Variants in LRP1B observed in about 807,000 individuals in gnomAD.
LRP1B encodes the protein low-density lipoprotein receptor-related protein 1B.
In LRP1B, 217 loss-of-function variants were observed where a neutral mutation model predicts 556.6. The ratio of observed to expected loss-of-function variants is 0.39; its 90% confidence interval spans 0.35 to 0.44. The LOEUF is 0.44. Among genes scored for constraint, LRP1B ranks in the 20% least tolerant of loss-of-function variants. LRP1B has a pLI of 1.00. For missense variants in LRP1B, 5,053 were observed against 5,620.8 expected (o/e 0.90, Z 3.23); for synonymous variants, 2,047 against 1,865.8 (o/e 1.10, Z -2.50).
chr2:141,202,424 A>G (rs992345606), intron 6 of LRP1B, among the ~76,000 whole-genome samples: 1 of 152,164 alleles, frequency 6.6e-6, no homozygotes, highest in African/African-American at 2.4e-5. Flanking sequence ...TCTTCTGGGT[A>G]TATACCCAGT....
At chr2:141,464,329 T>C (rs1682075084) in intron 3 of LRP1B, among the ~76,000 whole-genome samples, 1 of 152,086 alleles carries the variant, frequency 6.6e-6, no homozygotes, top group Admixed American at 6.5e-5. Flanking sequence ...CTTTATCTTC[T>C]CTTACTTAGA....
chr2:140,384,914 A>G (rs901736896), intron 67 of LRP1B, among the ~76,000 whole-genome samples: 1 of 152,186 alleles, frequency 6.6e-6, no homozygotes, highest in Non-Finnish European at 1.5e-5. Flanking sequence ...ACATGCTTGT[A>G]TAGCTTTCTT....
intron 2 of LRP1B, among the ~76,000 whole-genome samples, chr2:141,511,167 G>A (rs530948304): frequency 6.6e-6 from 1 of 152,090 alleles, no homozygotes; most frequent in East Asian, 1.9e-4. Flanking sequence ...AAAATATGTG[G>A]TGCAGTTATA....
intron 1 of LRP1B, among the ~76,000 whole-genome samples, chr2:142,119,345 A>G (rs115699260): frequency 1.8e-3 from 274 of 152,314 alleles, no homozygotes; most frequent in African/African-American, 6.3e-3. Context: ...TATAAATTAA[A>G]TAGTGTTTAA....
At chr2:141,401,907 A>G (rs1271262937) in intron 3 of LRP1B, among the ~76,000 whole-genome samples, 5 of 152,178 alleles carry the variant, frequency 3.3e-5, no homozygotes, top group Non-Finnish European at 7.3e-5. Flanking sequence ...ATGACCATCA[A>G]TAAGTTTTTC....
At chr2:140,978,803 G>A (rs1297608386) in intron 18 of LRP1B, among the ~76,000 whole-genome samples, 3 of 152,212 alleles carry the variant, frequency 2.0e-5, no homozygotes, top group South Asian at 4.1e-4. Flanking sequence ...GGTAAAACAT[G>A]TTTCCTTGGT....
At chr2:140,959,741 T>A (rs1301482158) in intron 18 of LRP1B, among the ~76,000 whole-genome samples, 1 of 151,778 alleles carries the variant, frequency 6.6e-6, no homozygotes. Flanking sequence ...CTTTTATTTT[T>A]AGTGTGCCTA....
At chr2:140,845,219 T>C (rs1224980022) in intron 29 of LRP1B, among the ~76,000 whole-genome samples, 2 of 152,148 alleles carry the variant, frequency 1.3e-5, no homozygotes, top group Admixed American at 6.5e-5. Context: ...TACTAGCTTA[T>C]ATATGAGAAA....
chr2:141,296,769 G>T (rs996353401), intron 3 of LRP1B, among the ~76,000 whole-genome samples: 14 of 152,018 alleles, frequency 9.2e-5, no homozygotes, highest in Non-Finnish European at 1.9e-4. Flanking sequence ...TTTTACATGG[G>T]TATATCGCAT....
intron 52 of LRP1B, 71 bp from the exon 53 acceptor site, chr2:140,506,989 G>A (rs1359131732): frequency 6.8e-7 from 1 of 1,466,874 alleles, no homozygotes; most frequent in Non-Finnish European, 9.2e-7. Context: ...TAGGAGCTTG[G>A]GGAATATATA....
chr2:142,091,531 A>G (rs559014130), intron 1 of LRP1B, among the ~76,000 whole-genome samples: 4 of 152,278 alleles, frequency 2.6e-5, no homozygotes, highest in African/African-American at 7.2e-5. Context: ...TTTGGATTTG[A>G]GTTTAAAGAT....
intron 1 of LRP1B, among the ~76,000 whole-genome samples, chr2:141,844,266 C>T (rs964372101): frequency 9.2e-5 from 14 of 152,030 alleles, no homozygotes; most frequent in African/African-American, 3.4e-4. Context: ...CTCTGCCTAC[C>T]CAGAGTGGGT....
At chr2:140,868,041 TG>T in intron 26 of LRP1B, 57 bp downstream of exon 26, 1 of 1,507,074 alleles carries the variant, frequency 6.6e-7, no homozygotes, top group Non-Finnish European at 8.9e-7. Flanking sequence ...CACTTTCCAA[TG>T]TTGTAAATAT....
chr2:141,491,279 T>A (rs1683324843), intron 2 of LRP1B, among the ~76,000 whole-genome samples: 1 of 152,100 alleles, frequency 6.6e-6, no homozygotes, highest in Admixed American at 6.6e-5. Flanking sequence ...TCCTATTGAG[T>A]CCTTAAGATA....
chr2:140,485,810 A>C (rs1688441013), intron 58 of LRP1B, among the ~76,000 whole-genome samples: 1 of 150,760 alleles, frequency 6.6e-6, no homozygotes, highest in South Asian at 2.1e-4. Flanking sequence ...TAATCTATTC[A>C]TCCTCTTAAA....
intron 3 of LRP1B, among the ~76,000 whole-genome samples, chr2:141,479,246 A>G (rs553368318): frequency 3.1e-4 from 47 of 152,280 alleles, no homozygotes; most frequent in African/African-American, 1.1e-3. Flanking sequence ...ACTTCACCCC[A>G]GACCTGGAAA....
At chr2:141,197,312 T>C (rs538170879) in intron 6 of LRP1B, among the ~76,000 whole-genome samples, 5 of 152,252 alleles carry the variant, frequency 3.3e-5, no homozygotes, top group African/African-American at 1.2e-4. Flanking sequence ...CATTGGTGCC[T>C]GAAGTCTCTA....
chr2:141,899,335 G>C (rs1699550171), intron 1 of LRP1B, among the ~76,000 whole-genome samples: 1 of 152,088 alleles, frequency 6.6e-6, no homozygotes, highest in African/African-American at 2.4e-5. Context: ...GCCCTGTCAT[G>C]TGGCATATGC....
At chr2:141,894,386 A>G (rs569981709) in intron 1 of LRP1B, among the ~76,000 whole-genome samples, 172 of 144,474 alleles carry the variant, frequency 1.2e-3, no homozygotes, top group African/African-American at 4.4e-3. Flanking sequence ...CCCTCCTTCC[A>G]TTCCTTCCTG....
Sources: allele counts gnomAD v4.1 joint callset (sites outside exome capture counted in the v4.1 genomes callset), GRCh38; gene constraint gnomAD v4.1.1; transcripts MANE v1.5; gene names NCBI Gene and HGNC (gene_info 2026-07-23, HGNC 2026-07-21).